Variants in PCDHGA11 observed in about 807,000 individuals in gnomAD.
PCDHGA11 encodes the protein protocadherin gamma-A11.
A neutral mutation model predicts 60.4 loss-of-function variants in PCDHGA11; 39 were observed. The observed-to-expected ratio is 0.65, with a 90% CI of 0.50 to 0.84. PCDHGA11 has a LOEUF of 0.84. PCDHGA11 is among the 40% of genes least tolerant of loss of function. PCDHGA11 has a pLI of 0.00. For missense variants in PCDHGA11, 1,165 were observed against 1,197.7 expected (o/e 0.97, Z 0.40); for synonymous variants, 533 against 510.3 (o/e 1.04, Z -0.60).
At position 141,477,965 on chromosome 5, in the gene PCDHGA11, A is replaced by G. The variant is rs1415974296; in HGVS notation, c.2434-16842A>G. On this transcript the variant is annotated intron_variant, in intron 1 of 3. Coordinates refer to ENST00000398587, the MANE Select transcript of PCDHGA11 (RefSeq NM_018914.3). This position sits in a 1 kb window ranked among gnomAD's most constrained non-coding sequence, Gnocchi z 4.9. ...CAGTCTCTTGGGATCCCCTAACCAGAGCCTTTTTGCCATAGGGCTGCACAC... is the reference window on the plus strand; with the variant it reads ...CAGTCTCTTGGGATCCCCTAACCAGGGCCTTTTTGCCATAGGGCTGCACAC... 4 of 1,614,030 alleles carry G rather than the reference A, an allele frequency of 2.5e-6. No individual in the cohort carries two copies. In the Middle Eastern group the frequency reaches 4.9e-4, roughly 200 times the overall value.
At position 141,490,490 on chromosome 5, in the gene PCDHGA11, C is replaced by T; in HGVS notation, c.2434-4317C>T. 1 of 1,614,184 alleles carries T rather than the reference C, an allele frequency of 6.2e-7. No homozygotes were observed. The highest frequency in any genetic ancestry group is 8.5e-7 in the Non-Finnish European group (1 of 1,180,028). The stretch of plus-strand genomic sequence containing the variant: ...AGCCAGCCTTTGGACCGGGAGGCCA[C>T]ATCCCACTATATCATCGAGCTGCTG... On this transcript the variant is annotated intron_variant, in intron 1 of 3. Coordinates refer to ENST00000398587, the MANE Select transcript of PCDHGA11 (RefSeq NM_018914.3). The surrounding 1 kb of genome is among the most constrained non-coding windows in gnomAD (Gnocchi z 5.4).
Position 141,476,949 on chromosome 5 carries a change from A to G in PCDHGA11, c.2434-17858A>G. The stretch of plus-strand genomic sequence containing the variant: ...GATCTGGATGAAGGCCCCAACGGTG[A>G]AATTATTTACTCCTTCGGCAGCCAC... On this transcript the variant is annotated intron_variant, in intron 1 of 3. Transcript: ENST00000398587. The surrounding 1 kb of genome is among the most constrained non-coding windows in gnomAD (Gnocchi z 7.6). 6.2e-7 allele frequency: 1 copy of G among 1,614,200 alleles called. No individual in the cohort carries two copies. Among genetic ancestry groups the G allele is most frequent in the Admixed American group, 1.7e-5 (1 of 60,038 alleles).
chr5:141,490,423 T>C lies in PCDHGA11; in HGVS notation c.2434-4384T>C. ...CCTTGATATCTCTCCGGACCTGCCATTTCAGATTAAGCCTTCTGAGAACCA... is the reference window on the plus strand; with the variant it reads ...CCTTGATATCTCTCCGGACCTGCCACTTCAGATTAAGCCTTCTGAGAACCA... On this transcript the variant is annotated intron_variant, in intron 1 of 3. Coordinates refer to ENST00000398587, the MANE Select transcript of PCDHGA11 (RefSeq NM_018914.3). This position sits in a 1 kb window ranked among gnomAD's most constrained non-coding sequence, Gnocchi z 5.4. 6.2e-7 allele frequency: 1 copy of C among 1,614,172 alleles called. No individual in the cohort carries two copies. The highest frequency in any genetic ancestry group is 8.5e-7 in the Non-Finnish European group (1 of 1,180,028).
Position 141,490,754 on chromosome 5 carries a change from CCTT to C in PCDHGA11, c.2434-4052_2434-4050del, listed in dbSNP as rs775582875. ...CAGGTTCAGGGAGCCCCAGCCTCCT[CCTT>C]TGTGTATGTCAACCCAGAGGATGGA... On this transcript the variant is annotated intron_variant, in intron 1 of 3. Transcript: ENST00000398587. The surrounding 1 kb of genome is among the most constrained non-coding windows in gnomAD (Gnocchi z 5.4). 3.1e-6 allele frequency: 5 copies of C among 1,614,200 alleles called. No individual in the cohort carries two copies. The highest frequency in any genetic ancestry group is 3.4e-6 in the Non-Finnish European group (4 of 1,180,038).
chr5:141,441,813 A>T, intron 1 of PCDHGA11: 1 of 365,242 alleles, frequency 2.7e-6, no homozygotes, highest in South Asian at 2.3e-5. Context: ...GCTGTACCCC[A>T]GCTCTGGAGC....
intron 1 of PCDHGA11, chr5:141,430,664 C>G (rs2154553866): frequency 8.3e-7 from 1 of 1,209,890 alleles, no homozygotes; most frequent in East Asian, 2.6e-5. Context: ...CGGAGGAGCT[C>G]TGACTTCCCA....
intron 1 of PCDHGA11, among the ~76,000 whole-genome samples, chr5:141,492,922 T>C (rs1191111432): frequency 1.3e-5 from 2 of 152,194 alleles, no homozygotes; most frequent in Non-Finnish European, 2.9e-5. Context: ...TGCCCAGCGA[T>C]CTAGGGTCAG....
rs2097542578 is a variant in PCDHGA11 at position 141,432,849 on chromosome 5, T to C, written c.2433+9189T>C. On this transcript the variant is annotated intron_variant, in intron 1 of 3. Coordinates refer to ENST00000398587, the MANE Select transcript of PCDHGA11 (RefSeq NM_018914.3). The surrounding 1 kb of genome is among the most constrained non-coding windows in gnomAD (Gnocchi z 6.0). ...CTCACTCTGTACCTGGTGGTAGCGG[T>C]GGCCGCGGTCTCCTGCGTCTTCCTG... 2 of 1,614,076 alleles carry C rather than the reference T, an allele frequency of 1.2e-6. No individual in the cohort carries two copies. Among genetic ancestry groups the C allele is most frequent in the South Asian group, 1.1e-5 (1 of 91,096 alleles).
chr5:141,431,237 C>A lies in PCDHGA11; in HGVS notation c.2433+7577C>A. 1 of 1,614,170 alleles carries A rather than the reference C, an allele frequency of 6.2e-7. No homozygotes were observed. Among genetic ancestry groups the A allele is most frequent in the Non-Finnish European group, 8.5e-7 (1 of 1,180,044 alleles). The stretch of plus-strand genomic sequence containing the variant: ...GTTCCCTCTACCCCACGCCTGGGAT[C>A]CGGATATCGGGAAGAACTCTCTGCA... On this transcript the variant is annotated intron_variant, in intron 1 of 3. Transcript: ENST00000398587. The surrounding 1 kb of genome is among the most constrained non-coding windows in gnomAD (Gnocchi z 4.8).
chr5:141,504,241 A>G (rs1282647590), intron 2 of PCDHGA11, among the ~76,000 whole-genome samples: 1 of 152,156 alleles, frequency 6.6e-6, no homozygotes, highest in Non-Finnish European at 1.5e-5. Flanking sequence ...AGAAGCAGAG[A>G]GTTCTTCTTA....
At chr5:141,481,607 C>A (rs2099540195) in intron 1 of PCDHGA11, among the ~76,000 whole-genome samples, 1 of 152,158 alleles carries the variant, frequency 6.6e-6, no homozygotes, top group Admixed American at 6.5e-5. Flanking sequence ...CACCTGAGGC[C>A]AGGAGTTCAA....
rs749347013 is a variant in PCDHGA11, at chr5:141,476,739, C to G, written c.2434-18068C>G. 6.2e-7 allele frequency: 1 copy of G among 1,614,068 alleles called. No individual in the cohort carries two copies. Among genetic ancestry groups the G allele is most frequent in the South Asian group, 1.1e-5 (1 of 91,088 alleles). On this transcript the variant is annotated intron_variant, in intron 1 of 3. Transcript: ENST00000398587. The surrounding 1 kb of genome is among the most constrained non-coding windows in gnomAD (Gnocchi z 7.6). Reference sequence around the variant, plus strand: ...CGCGCCCTGGACCGAGAACGGGAGCCTAGTCTCCAGTTAGTGCTGACGGCG... The same window carrying G: ...CGCGCCCTGGACCGAGAACGGGAGCGTAGTCTCCAGTTAGTGCTGACGGCG...
chr5:141,509,435 T>C (rs547082417), intron 3 of PCDHGA11, among the ~76,000 whole-genome samples: 1 of 152,214 alleles, frequency 6.6e-6, no homozygotes, highest in South Asian at 2.1e-4. Context: ...AAACTCTTGT[T>C]TCCTCCTCTC....
intron 1 of PCDHGA11, among the ~76,000 whole-genome samples, chr5:141,472,310 G>A (rs2099276586): frequency 6.6e-6 from 1 of 152,040 alleles, no homozygotes; most frequent in Non-Finnish European, 1.5e-5. Flanking sequence ...GGGAAGCCGA[G>A]GCAGGCAGAT....
intron 1 of PCDHGA11, chr5:141,430,861 A>C: frequency 6.3e-7 from 1 of 1,592,834 alleles, no homozygotes; most frequent in Middle Eastern, 1.7e-4. Flanking sequence ...TACGCTATTC[A>C]GTTCCGGAAG....
chr5:141,502,242 CT>C (rs989546500), intron 2 of PCDHGA11, among the ~76,000 whole-genome samples: 27 of 151,950 alleles, frequency 1.8e-4, no homozygotes, highest in African/African-American at 6.3e-4. Context: ...TTCTTTTATC[CT>C]TTTTTTTAAT....
At chr5:141,444,621 G>A (rs1265458898) in intron 1 of PCDHGA11, among the ~76,000 whole-genome samples, 1 of 152,132 alleles carries the variant, frequency 6.6e-6, no homozygotes, top group Non-Finnish European at 1.5e-5. Flanking sequence ...CATGTGGCAT[G>A]ATGCACCAGT....
rs1360124362 is a variant in PCDHGA11 at position 141,489,688 on chromosome 5, G to A, written c.2434-5119G>A. On this transcript the variant is annotated intron_variant, in intron 1 of 3. Coordinates refer to ENST00000398587, the MANE Select transcript of PCDHGA11 (RefSeq NM_018914.3). This position sits in a 1 kb window ranked among gnomAD's most constrained non-coding sequence, Gnocchi z 4.5. The stretch of plus-strand genomic sequence containing the variant: ...CATCTCAGAATCAGCAGCATCTGGG[G>A]CACGATTCCCACTGGACAGTGCCCA... 6.2e-7 allele frequency: 1 copy of A among 1,614,150 alleles called. No homozygotes were observed. Among genetic ancestry groups the A allele is most frequent in the Non-Finnish European group, 8.5e-7 (1 of 1,180,012 alleles).
intron 1 of PCDHGA11, among the ~76,000 whole-genome samples, chr5:141,466,627 C>G (rs1448245449): frequency 6.6e-6 from 1 of 152,154 alleles, no homozygotes; most frequent in African/African-American, 2.4e-5. Flanking sequence ...TTCTTTGGAG[C>G]ATTGTCTCCA....
Sources: gnomAD v4.1 joint callset for allele counts (sites outside exome capture counted in the v4.1 genomes callset) on GRCh38, gnomAD v4.1.1 for gene constraint, Gnocchi (gnomAD v3.1) non-coding constraint, MANE v1.5 for transcripts, NCBI Gene and HGNC (gene_info 2026-07-23, HGNC 2026-07-21) for gene names.